Variants in RCN3 observed in about 807,000 individuals in gnomAD.
RCN3 encodes reticulocalbin 3.
RCN3 carries 41 observed loss-of-function variants against 35.9 expected under a neutral mutation model. That is an observed-to-expected ratio of 1.14 (90% CI 0.89 to 1.48). RCN3 has a LOEUF of 1.48. RCN3 is among the 40% of genes most tolerant of loss of function. The pLI, the probability that RCN3 is intolerant of heterozygous loss-of-function variation, is 0.00. For missense variants in RCN3, 451 were observed against 471.3 expected (o/e 0.96, Z 0.40); for synonymous variants, 187 against 193.4 (o/e 0.97, Z 0.27).
intron 5 of RCN3, among the ~76,000 whole-genome samples, chr19:49,540,165 G>A (rs1256381651): frequency 6.6e-6 from 1 of 151,468 alleles, no homozygotes. Context: ...GTCTGTCTGT[G>A]TGTGTGTGTG....
intron 4 of RCN3, 67 bp from the exon 5 acceptor site, chr19:49,539,052 A>C: frequency 8.3e-7 from 1 of 1,199,044 alleles, no homozygotes. Flanking sequence ...CTCTTACCCC[A>C]GGGGTCCAGC....
intron 2 of RCN3, 97 bp from the exon 3 acceptor site, chr19:49,534,096 G>C: frequency 1.6e-6 from 2 of 1,218,660 alleles, no homozygotes; most frequent in South Asian, 3.3e-5. Flanking sequence ...TGTATTTTCA[G>C]CCCCGGATCC....
chr19:49,542,113 G>A (rs1250673454), intron 5 of RCN3, among the ~76,000 whole-genome samples: 1 of 151,750 alleles, frequency 6.6e-6, no homozygotes, highest in Non-Finnish European at 1.5e-5. Flanking sequence ...TGCCCAGGTT[G>A]GTCTTGAATC....
At chr19:49,542,896 G>T in intron 6 of RCN3, 144 bp downstream of exon 6, 6 of 832,208 alleles carry the variant, frequency 7.2e-6, no homozygotes, top group Non-Finnish European at 1.1e-5. Context: ...GAGGAAAAGA[G>T]AGGGCACGGA....
chr19:49,535,823 C>T (rs914459492), intron 3 of RCN3, among the ~76,000 whole-genome samples: 102 of 146,452 alleles, frequency 7.0e-4, no homozygotes, highest in African/African-American at 2.3e-3. Flanking sequence ...GCACTCTGGC[C>T]TTGGCGACAG....
Position 49,543,542 on chromosome 19 carries a change from G to C in RCN3, c.*329G>C, listed in dbSNP as rs779364615. ...TCCAAATCTGAGCCTCCACCACATAGACTGAAACTCCCCTGGCCCCAGCCC... is the reference window on the plus strand; with the variant it reads ...TCCAAATCTGAGCCTCCACCACATACACTGAAACTCCCCTGGCCCCAGCCC... On this transcript the variant is annotated 3_prime_UTR_variant, in exon 7 of 7. Coordinates refer to ENST00000270645, the MANE Select transcript of RCN3 (RefSeq NM_020650.3). 1 of 339,032 alleles carries C rather than the reference G, an allele frequency of 2.9e-6. No homozygotes were observed. The highest frequency in any genetic ancestry group is 5.6e-6 in the Non-Finnish European group (1 of 177,290). The allele number at this position is 339,032 out of a possible 1,614,324, so 21.0% of individuals were successfully genotyped here. A position where few individuals can be genotyped will look rare whatever the true frequency, so the allele number is the denominator to read the frequency against.
chr19:49,534,165 C>A, intron 2 of RCN3, 28 bp from the exon 3 acceptor site: 1 of 1,471,952 alleles, frequency 6.8e-7, no homozygotes, highest in Non-Finnish European at 8.9e-7. Context: ...GGGACCAGAG[C>A]CTGACGTGTG....
At chr19:49,539,072 G>A (rs1568711818) in intron 4 of RCN3, 47 bp from the exon 5 acceptor site, 2 of 1,457,856 alleles carry the variant, frequency 1.4e-6, no homozygotes, top group Non-Finnish European at 1.9e-6. Context: ...CCTCCCCCAG[G>A]AGCCAGGGTC....
At chr19:49,541,149 T>A (rs959756628) in intron 5 of RCN3, among the ~76,000 whole-genome samples, 1 of 151,864 alleles carries the variant, frequency 6.6e-6, no homozygotes, top group African/African-American at 2.4e-5. Context: ...AGGCTGGTCT[T>A]GAACTCTTGA....
rs750250977 is a variant in RCN3 at position 49,537,215 on chromosome 19, G to T, written c.618+10G>T. The stretch of plus-strand genomic sequence containing the variant: ...GGACATCGTGATTGCTGTGAGTGGC[G>T]GCTGGGGAACCCTGTCCCCCACACC... On this transcript the variant is annotated intron_variant, in intron 4 of 6. Transcript: ENST00000270645. The T allele has an allele frequency of 4.0e-6, 6 of 1,495,506 alleles. No homozygotes were observed. Among genetic ancestry groups the T allele is most frequent in the Non-Finnish European group, 5.4e-6 (6 of 1,114,012 alleles). 92.6% of individuals were successfully genotyped at this position (1,495,506 alleles called of 1,614,324 possible).
In RCN3 at chr19:49,530,036, C is replaced by T. The variant is rs1333094863; in HGVS notation, c.242+1322C>T. Reference sequence around the variant, plus strand: ...ACGTGATCTCGGCTCAGTGGAACCTCCGCCTCCCGGGTTCAACCAGTTGTT... The same window carrying T: ...ACGTGATCTCGGCTCAGTGGAACCTTCGCCTCCCGGGTTCAACCAGTTGTT... On this transcript the variant is annotated intron_variant, in intron 2 of 6. Coordinates refer to ENST00000270645, the MANE Select transcript of RCN3 (RefSeq NM_020650.3). 2.0e-5 allele frequency among the ~76,000 whole-genome samples: 3 copies of T among 152,032 alleles called. No homozygotes were observed. In the East Asian group the frequency reaches 5.8e-4, roughly 29 times the overall value.
At chr19:49,538,102 C>T (rs2080145391) in intron 4 of RCN3, among the ~76,000 whole-genome samples, 1 of 151,752 alleles carries the variant, frequency 6.6e-6, no homozygotes, top group Non-Finnish European at 1.5e-5. Flanking sequence ...AGTAATCCTC[C>T]CACCTCCGCC....
intron 3 of RCN3, among the ~76,000 whole-genome samples, chr19:49,536,313 GAGA>G (rs2080135007): frequency 7.4e-5 from 2 of 27,080 alleles, no homozygotes; most frequent in Admixed American, 4.5e-4. Context: ...TTTTTTTTTT[GAGA>G]TGGAATGGAG....
intron 4 of RCN3, 54 bp from the exon 5 acceptor site, chr19:49,539,065 C>T: frequency 7.3e-7 from 1 of 1,375,304 alleles, no homozygotes; most frequent in East Asian, 2.4e-5. Context: ...GGTCCAGCCT[C>T]CCCCAGGAGC....
intron 3 of RCN3, among the ~76,000 whole-genome samples, chr19:49,535,590 G>A (rs1169932151): frequency 1.3e-5 from 2 of 152,088 alleles, no homozygotes; most frequent in Non-Finnish European, 1.5e-5. Context: ...CATGGCTCAC[G>A]CCTGTAATCC....
Position 49,534,319 on chromosome 19 carries a change from C to A in RCN3, c.369C>A (p.Asp123Glu). ...GGGACTCGGTGAGCGCGGCCTGGGA[C>A]ACGTACGACACGGACCGCGACGGGC... ...HIRDSVSAAWDTYDTDRDGRV... is the reference protein window; with the variant it reads ...HIRDSVSAAWETYDTDRDGRV... Residue 123 changes from aspartate (D) to glutamate (E), a missense_variant, in exon 3 of 7, where the codon GAC (aspartate) becomes GAA (glutamate). Coordinates refer to ENST00000270645, the MANE Select transcript of RCN3 (RefSeq NM_020650.3). 6.6e-7 allele frequency: 1 copy of A among 1,506,998 alleles called. No individual in the cohort carries two copies. The allele number at this position is 1,506,998 out of a possible 1,614,324, so 93.4% of individuals were successfully genotyped here. A position where few individuals can be genotyped will look rare whatever the true frequency, so the allele number is the denominator to read the frequency against.
rs2080173045 is a variant in RCN3, at chr19:49,543,332, C to T, written c.*119C>T. The T allele has an allele frequency of 1.2e-6, 1 of 820,184 alleles. No individual in the cohort carries two copies. Among genetic ancestry groups the T allele is most frequent in the East Asian group, 2.7e-5 (1 of 37,430 alleles). The allele number at this position is 820,184 out of a possible 1,614,324, so 50.8% of individuals were successfully genotyped here. A position where few individuals can be genotyped will look rare whatever the true frequency, so the allele number is the denominator to read the frequency against. Reference sequence around the variant, plus strand: ...AGGCAGATGCAGTCCCAGGCATCCTCCTGCCCCTGGGCTCTCAGGGACCCC... The same window carrying T: ...AGGCAGATGCAGTCCCAGGCATCCTTCTGCCCCTGGGCTCTCAGGGACCCC... On this transcript the variant is annotated 3_prime_UTR_variant, in exon 7 of 7. Transcript: ENST00000270645.
At chr19:49,537,262 G>A (rs1192346024) in intron 4 of RCN3, 57 bp downstream of exon 4, 11 of 1,416,070 alleles carry the variant, frequency 7.8e-6, no homozygotes, top group African/African-American at 3.0e-5. Flanking sequence ...CCAGGCTTCC[G>A]GTTCAGGTCC....
Position 49,542,877 on chromosome 19 carries a change from A to C in RCN3, c.879+125A>C. ...TTAGGTGGGATAAAAAAAGAGGGAC[A>C]GAGAGAGGGAGGAAAAGAGAGGGCA... is the stretch of plus-strand genomic sequence containing the variant. On this transcript the variant is annotated intron_variant, in intron 6 of 6. Transcript: ENST00000270645. The C allele has an allele frequency of 3.1e-6, 3 of 963,484 alleles. No homozygotes were observed. The South Asian group carries it at 5.2e-5, about 17-fold the overall frequency. The allele number at this position is 963,484 out of a possible 1,614,324, so 59.7% of individuals were successfully genotyped here. A position where few individuals can be genotyped will look rare whatever the true frequency, so the allele number is the denominator to read the frequency against.
Sources: allele counts gnomAD v4.1 joint callset (sites outside exome capture counted in the v4.1 genomes callset), GRCh38; gene constraint gnomAD v4.1.1; transcripts MANE v1.5; gene names NCBI Gene and HGNC (gene_info 2026-07-23, HGNC 2026-07-21).